The following CTNNA3 variants were observed in gnomAD, a reference collection of about 807,000 sequenced individuals.
CTNNA3 encodes catenin alpha-3.
In CTNNA3, 76 loss-of-function variants were observed where a neutral mutation model predicts 95.7. The observed-to-expected ratio is 0.79, with a 90% confidence interval of 0.66 to 0.96. CTNNA3 has a LOEUF of 0.96. Among genes scored for constraint, CTNNA3 ranks in the 40% least tolerant of loss-of-function variants. The pLI is 0.00. For missense variants in CTNNA3, 1,191 were observed against 1,089.8 expected, an observed-to-expected ratio of 1.09 and a Z score of -1.31; for synonymous variants, 431 against 374.4, an observed-to-expected ratio of 1.15 and a Z score of -1.74.
At position 66,957,423 on chromosome 10, in the gene CTNNA3, TATATGC is replaced by T. The variant is rs1308641107; in HGVS notation, c.1048-181905_1048-181900del. Among the ~76,000 whole-genome samples the T allele has an allele frequency of 0.016, 478 of 29,176 alleles. 40 individuals are homozygous for T. The East Asian group carries it at 0.19, about 12-fold the overall frequency. 19.1% of individuals were successfully genotyped at this position (29,176 alleles called of 152,430 possible). A position where few individuals can be genotyped will look rare whatever the true frequency, so the allele number is the denominator to read the frequency against. Reference sequence around the variant, plus strand: ...ATATATATATATATATGCATATATATATATGCATATATATATATGCATATATATATA... The same window carrying T: ...ATATATATATATATATGCATATATATATATATATATATGCATATATATATA... On this transcript the variant is annotated intron_variant, in intron 7 of 17. Coordinates refer to ENST00000433211, the MANE Select transcript of CTNNA3 (RefSeq NM_013266.4).
At chr10:67,136,126 G>T (rs1860298233) in intron 7 of CTNNA3, among the ~76,000 whole-genome samples, 1 of 151,570 alleles carries the variant, frequency 6.6e-6, no homozygotes, top group South Asian at 2.1e-4. Context: ...GATTTGAGAG[G>T]GTATTTTTTG....
At chr10:65,928,201 T>C (rs2077196890) in intron 17 of CTNNA3, among the ~76,000 whole-genome samples, 1 of 152,162 alleles carries the variant, frequency 6.6e-6, no homozygotes, top group Non-Finnish European at 1.5e-5. Context: ...TGCAGTACAT[T>C]TTTTTCATAT....
At chr10:66,673,905 A>T (rs998790837) in intron 9 of CTNNA3, among the ~76,000 whole-genome samples, 1 of 152,054 alleles carries the variant, frequency 6.6e-6, no homozygotes, top group East Asian at 1.9e-4. Context: ...ACATTTTTAC[A>T]TTCTACCAGG....
chr10:66,688,635 G>A (rs989850260), intron 9 of CTNNA3, among the ~76,000 whole-genome samples: 5 of 152,002 alleles, frequency 3.3e-5, no homozygotes, highest in Non-Finnish European at 5.9e-5. Context: ...TTCATTTATT[G>A]TTTGACTTTA....
At chr10:66,396,473 G>T (rs1388160487) in intron 11 of CTNNA3, among the ~76,000 whole-genome samples, 1 of 151,770 alleles carries the variant, frequency 6.6e-6, no homozygotes, top group Non-Finnish European at 1.5e-5. Context: ...TTATATTTTC[G>T]CCTCAATTAT....
chr10:67,612,201 CA>C (rs1843481865), intron 2 of CTNNA3, among the ~76,000 whole-genome samples: 1 of 152,082 alleles, frequency 6.6e-6, no homozygotes, highest in South Asian at 2.1e-4. Flanking sequence ...AGCCAATAAA[CA>C]CTTATATTTT....
rs1810229033 is a variant in CTNNA3 at position 66,350,621 on chromosome 10, A to AT, written c.1732+28530_1732+28531insA. ...GGAAAGGGGCTCCTGAAAAAAAAAA[A>AT]AGCCTGGAGAAATTGCTGAAGGGTC... On this transcript the variant is annotated intron_variant, in intron 12 of 17. Coordinates refer to ENST00000433211, the MANE Select transcript of CTNNA3 (RefSeq NM_013266.4). Among the ~76,000 whole-genome samples the AT allele has an allele frequency of 5.3e-5, 8 of 151,716 alleles. No individual in the cohort carries two copies. In the South Asian group the frequency reaches 1.7e-3, roughly 32 times the overall value.
chr10:66,307,924 T>C (rs2091954785), intron 12 of CTNNA3, among the ~76,000 whole-genome samples: 1 of 152,170 alleles, frequency 6.6e-6, no homozygotes, highest in Admixed American at 6.5e-5. Flanking sequence ...ACTCTGCTGG[T>C]TTAAATATTT....
intron 17 of CTNNA3, among the ~76,000 whole-genome samples, chr10:65,945,177 G>A (rs1157825890): frequency 6.8e-6 from 1 of 147,932 alleles, no homozygotes; most frequent in African/African-American, 2.6e-5. Context: ...TATATATATA[G>A]TGAGAGGGAG....
chr10:66,586,834 A>G (rs1266563605), intron 10 of CTNNA3, among the ~76,000 whole-genome samples: 3 of 152,148 alleles, frequency 2.0e-5, no homozygotes, highest in African/African-American at 7.2e-5. Context: ...TAAGGGACTC[A>G]AGGCCCATGG....
At chr10:66,443,525 C>T (rs2093391557) in intron 11 of CTNNA3, among the ~76,000 whole-genome samples, 1 of 152,182 alleles carries the variant, frequency 6.6e-6, no homozygotes, top group Non-Finnish European at 1.5e-5. Flanking sequence ...ACAGCCACTG[C>T]TGTTCTGCAG....
intron 6 of CTNNA3, among the ~76,000 whole-genome samples, chr10:67,185,820 G>C (rs1468408723): frequency 6.6e-6 from 1 of 152,112 alleles, no homozygotes; most frequent in Non-Finnish European, 1.5e-5. Flanking sequence ...AGGAGTTCAA[G>C]ACCAGCCTGG....
chr10:66,448,446 G>C (rs2093439433), intron 11 of CTNNA3, among the ~76,000 whole-genome samples: 1 of 152,152 alleles, frequency 6.6e-6, no homozygotes, highest in Non-Finnish European at 1.5e-5. Flanking sequence ...AACAGCGATA[G>C]ACTGGATTAA....
intron 3 of CTNNA3, among the ~76,000 whole-genome samples, chr10:67,554,028 T>C (rs1330945767): frequency 1.3e-5 from 2 of 152,198 alleles, no homozygotes; most frequent in African/African-American, 4.8e-5. Context: ...TCTGTCCTTG[T>C]GATACTTTGC....
chr10:67,523,640 A>G (rs1840051512), intron 4 of CTNNA3, among the ~76,000 whole-genome samples: 1 of 152,210 alleles, frequency 6.6e-6, no homozygotes, highest in Non-Finnish European at 1.5e-5. Context: ...AGAAGACGTA[A>G]GACAATTTGA....
intron 10 of CTNNA3, among the ~76,000 whole-genome samples, chr10:66,585,322 A>G (rs926419615): frequency 1.3e-5 from 2 of 151,980 alleles, no homozygotes; most frequent in African/African-American, 4.8e-5. Context: ...AGGAATATCT[A>G]CAATTCTTAT....
chr10:66,572,062 G>C (rs1842882620), intron 10 of CTNNA3, among the ~76,000 whole-genome samples: 1 of 151,970 alleles, frequency 6.6e-6, no homozygotes, highest in African/African-American at 2.4e-5. Context: ...ATGCTACACA[G>C]TCTCCCATGA....
chr10:66,302,864 T>C (rs941219415), intron 12 of CTNNA3, among the ~76,000 whole-genome samples: 16 of 152,146 alleles, frequency 1.1e-4, no homozygotes, highest in African/African-American at 3.9e-4. Context: ...AGAAAGATAC[T>C]ATTCCATGCC....
chr10:66,351,372 C>T (rs954242166), intron 12 of CTNNA3, among the ~76,000 whole-genome samples: 3 of 151,994 alleles, frequency 2.0e-5, no homozygotes, highest in African/African-American at 7.2e-5. Flanking sequence ...AGTTAAATAA[C>T]TTACCTACAA....
Sources: allele counts gnomAD v4.1 joint callset (sites outside exome capture counted in the v4.1 genomes callset), GRCh38; gene constraint gnomAD v4.1.1; transcripts MANE v1.5; gene names NCBI Gene and HGNC (gene_info 2026-07-23, HGNC 2026-07-21).